PPP3CB: variants seen among roughly 807,000 people sequenced by gnomAD.
PPP3CB encodes protein phosphatase 3 catalytic subunit beta, also known as serine/threonine-protein phosphatase 2B catalytic subunit beta isoform.
PPP3CB carries 8 observed loss-of-function variants against 66.4 expected under a neutral mutation model. The ratio of observed to expected loss-of-function variants is 0.12; its 90% CI spans 0.07 to 0.22. PPP3CB has a LOEUF of 0.22. Ranked by LOEUF, PPP3CB falls within the 10% of genes least tolerant of loss-of-function variation. The pLI is 1.00. For synonymous variants in PPP3CB, 208 were observed against 221.2 expected, an observed-to-expected ratio of 0.94 and a Z score of 0.53; for missense variants, 319 against 642.5, an observed-to-expected ratio of 0.50 and a Z score of 5.44.
intron 12 of PPP3CB, among the ~76,000 whole-genome samples, chr10:73,443,268 GAA>G (rs554763463): frequency 4.5e-4 from 52 of 116,620 alleles, no homozygotes; most frequent in African/African-American, 1.6e-3. Context: ...GAGAGAGAGA[GAA>G]AGAAAGAAAG....
intron 4 of PPP3CB, 40 bp from the exon 5 acceptor site, chr10:73,471,653 T>C: frequency 2.0e-6 from 3 of 1,487,656 alleles, no homozygotes; most frequent in Non-Finnish European, 2.7e-6. Context: ...ACATTACTGG[T>C]GGTGGTGTGA....
intron 3 of PPP3CB, among the ~76,000 whole-genome samples, chr10:73,477,843 A>G (rs2056816195): frequency 6.6e-6 from 1 of 152,092 alleles, no homozygotes; most frequent in Admixed American, 6.6e-5. Flanking sequence ...CTTAAGCTCA[A>G]GAGGTCAAGG....
At chr10:73,495,640 C>T in intron 1 of PPP3CB, 165 bp downstream of exon 1, 1 of 1,078,482 alleles carries the variant, frequency 9.3e-7, no homozygotes, top group South Asian at 2.0e-5. Flanking sequence ...CTGCCACCGA[C>T]TCAGCCCTGC....
chr10:73,479,743 T>A (rs1349712455), intron 1 of PPP3CB, among the ~76,000 whole-genome samples: 1 of 152,230 alleles, frequency 6.6e-6, no homozygotes, highest in Admixed American at 6.5e-5. Context: ...ATGAGTTGTC[T>A]CACAAAATTA....
intron 10 of PPP3CB, among the ~76,000 whole-genome samples, chr10:73,449,434 A>T (rs114751265): frequency 6.6e-4 from 100 of 152,346 alleles, no homozygotes; most frequent in African/African-American, 2.2e-3. Flanking sequence ...AAGAGTAGGC[A>T]GCTGGGGTGG....
At chr10:73,461,410 G>GCATT (rs1480905379) in intron 9 of PPP3CB, among the ~76,000 whole-genome samples, 1 of 151,816 alleles carries the variant, frequency 6.6e-6, no homozygotes, top group Admixed American at 6.6e-5. Flanking sequence ...ACACACCACT[G>GCATT]CATTCCAGCC....
intron 1 of PPP3CB, among the ~76,000 whole-genome samples, chr10:73,482,776 C>A (rs1470567378): frequency 2.6e-5 from 4 of 151,844 alleles, no homozygotes; most frequent in Non-Finnish European, 5.9e-5. Flanking sequence ...CGCCACCACA[C>A]CCGGCTAATC....
chr10:73,442,888 T>C (rs532920786), intron 12 of PPP3CB, among the ~76,000 whole-genome samples: 1 of 152,086 alleles, frequency 6.6e-6, no homozygotes, highest in Non-Finnish European at 1.5e-5. Flanking sequence ...GAAAAAAATT[T>C]TTTTTATTGA....
chr10:73,459,442 C>T (rs575678364), intron 9 of PPP3CB, among the ~76,000 whole-genome samples: 16 of 152,354 alleles, frequency 1.1e-4, no homozygotes, highest in South Asian at 2.1e-4. Flanking sequence ...GCCAAGATCG[C>T]GCCACTGCGC....
At chr10:73,443,350 G>C (rs2056194519) in intron 12 of PPP3CB, among the ~76,000 whole-genome samples, 1 of 147,062 alleles carries the variant, frequency 6.8e-6, no homozygotes, top group Non-Finnish European at 1.5e-5. Flanking sequence ...GAAGAGAAGA[G>C]AGAAAAGAAA....
intron 9 of PPP3CB, among the ~76,000 whole-genome samples, chr10:73,464,999 CTCTT>C (rs1293604078): frequency 6.6e-6 from 1 of 151,576 alleles, no homozygotes; most frequent in Non-Finnish European, 1.5e-5. Flanking sequence ...TAAAATGTGA[CTCTT>C]TATCTTTTAG....
At chr10:73,478,352 G>C (rs1564565446) in intron 3 of PPP3CB, 147 bp downstream of exon 3, 2 of 640,610 alleles carry the variant, frequency 3.1e-6, no homozygotes, top group East Asian at 5.5e-5. Flanking sequence ...AGACAGAACA[G>C]GAATAAATAG....
intron 9 of PPP3CB, among the ~76,000 whole-genome samples, chr10:73,465,636 A>T (rs2056607535): frequency 6.6e-6 from 1 of 152,310 alleles, no homozygotes; most frequent in South Asian, 2.1e-4. Flanking sequence ...TTTGGGATTA[A>T]ATCAGCCTTT....
Position 73,438,237 on chromosome 10 carries a change from G to A in PPP3CB, c.*5C>T. Reference sequence around the variant, plus strand: ...GAGATGTGAGAGTCCCTGGGAAGTAGTGGGTCACTGGGCAGTATGGTTGCC... The same window carrying A: ...GAGATGTGAGAGTCCCTGGGAAGTAATGGGTCACTGGGCAGTATGGTTGCC... On this transcript the variant is annotated 3_prime_UTR_variant, in exon 14 of 14. Coordinates refer to ENST00000360663, the MANE Select transcript of PPP3CB (RefSeq NM_021132.4). 4 of 1,610,250 alleles carry A rather than the reference G, an allele frequency of 2.5e-6. No homozygotes were observed. Among genetic ancestry groups the A allele is most frequent in the Admixed American group, 1.7e-5 (1 of 59,806 alleles).
At chr10:73,463,719 T>A (rs1358096760) in intron 9 of PPP3CB, among the ~76,000 whole-genome samples, 1 of 152,152 alleles carries the variant, frequency 6.6e-6, no homozygotes, top group Admixed American at 6.5e-5. Context: ...CTTGGCTCAC[T>A]GCAAGCTCTG....
At chr10:73,475,773 A>G (rs2056775174) in intron 3 of PPP3CB, among the ~76,000 whole-genome samples, 1 of 152,256 alleles carries the variant, frequency 6.6e-6, no homozygotes, top group African/African-American at 2.4e-5. Context: ...AAAGAGACTC[A>G]CATTTTACTT....
chr10:73,459,910 T>C (rs2056493161), intron 9 of PPP3CB, among the ~76,000 whole-genome samples: 1 of 152,090 alleles, frequency 6.6e-6, no homozygotes, highest in Non-Finnish European at 1.5e-5. Flanking sequence ...CTGTAGTATA[T>C]AAAAAACATG....
intron 9 of PPP3CB, among the ~76,000 whole-genome samples, chr10:73,457,076 A>G (rs904880569): frequency 1.3e-5 from 2 of 151,902 alleles, no homozygotes; most frequent in African/African-American, 4.8e-5. Context: ...TTAAATATAC[A>G]CAATAAAATG....
chr10:73,487,798 T>C (rs996132179), intron 1 of PPP3CB, among the ~76,000 whole-genome samples: 35 of 151,150 alleles, frequency 2.3e-4, no homozygotes, highest in Non-Finnish European at 1.5e-4. Flanking sequence ...TTTTTTTTTT[T>C]CCACAGAGTC....
Sources: allele counts gnomAD v4.1 joint callset (sites outside exome capture counted in the v4.1 genomes callset), GRCh38; gene constraint gnomAD v4.1.1; transcripts MANE v1.5; gene names NCBI Gene and HGNC (gene_info 2026-07-23, HGNC 2026-07-21).